Variants in TTBK2 observed in about 807,000 individuals in gnomAD.
TTBK2 encodes the protein tau tubulin kinase 2.
TTBK2 carries 28 observed loss-of-function variants against 110.8 expected under a neutral mutation model. That is an observed-to-expected ratio of 0.25 (90% confidence interval 0.19 to 0.35). TTBK2 has a LOEUF of 0.35. Ranked by LOEUF, TTBK2 falls within the 10% of genes least tolerant of loss-of-function variation. The probability of loss-of-function intolerance (pLI) is 1.00; values close to 1 mark genes in which losing one functional copy is unlikely to be tolerated. For synonymous variants in TTBK2, 532 were observed against 527.3 expected (o/e 1.01, Z -0.12); for missense variants, 1,369 against 1,500.3 (o/e 0.91, Z 1.45).
In TTBK2 at chr15:42,861,435, C is replaced by A. The variant is rs77526534; in HGVS notation, c.217+11176G>T. Among the ~76,000 whole-genome samples the A allele has an allele frequency of 3.2e-3, 490 of 152,114 alleles. 1 individual carries two copies. The highest frequency in any genetic ancestry group is 0.02 in the Middle Eastern group (6 of 294). On this transcript the variant is annotated intron_variant, in intron 3 of 14. Coordinates refer to ENST00000267890, the MANE Select transcript of TTBK2 (RefSeq NM_173500.4). The stretch of plus-strand genomic sequence containing the variant: ...AGTGCAATAAAAATAGAAATCAATA[C>A]CAAAAAGATCTATCAAAACTACAAA...
At chr15:42,860,666 TG>T (rs1007394461) in intron 3 of TTBK2, among the ~76,000 whole-genome samples, 1 of 133,886 alleles carries the variant, frequency 7.5e-6, no homozygotes, top group Non-Finnish European at 1.5e-5. Context: ...TTTTTTGAGA[TG>T]GCATTTAGTG....
intron 1 of TTBK2, among the ~76,000 whole-genome samples, chr15:42,909,501 C>T (rs763235270): frequency 1.3e-5 from 2 of 152,186 alleles, no homozygotes; most frequent in African/African-American, 4.8e-5. Flanking sequence ...ATCCTCCTCT[C>T]GCAAGAGCCT....
chr15:42,797,404 A>AC (rs1449018212), intron 9 of TTBK2, among the ~76,000 whole-genome samples: 1 of 152,238 alleles, frequency 6.6e-6, no homozygotes, highest in African/African-American at 2.4e-5. Flanking sequence ...GATATTAGAC[A>AC]CCAGCAGCAG....
At chr15:42,802,160 G>A (rs1425279316) in intron 9 of TTBK2, 2 of 1,390,602 alleles carry the variant, frequency 1.4e-6, no homozygotes, top group Non-Finnish European at 2.0e-6. Flanking sequence ...CGCACGGCCT[G>A]GATGTTGGGG....
At chr15:42,794,367 C>T (rs1157200521) in intron 10 of TTBK2, among the ~76,000 whole-genome samples, 1 of 152,148 alleles carries the variant, frequency 6.6e-6, no homozygotes, top group Non-Finnish European at 1.5e-5. Context: ...ACAACTAATG[C>T]TGGTCCTCAT....
intron 13 of TTBK2, among the ~76,000 whole-genome samples, chr15:42,771,718 G>T (rs2140734995): frequency 6.6e-6 from 1 of 152,204 alleles, no homozygotes; most frequent in South Asian, 2.1e-4. Flanking sequence ...TTCCTTCTTT[G>T]TGCATTATTT....
chr15:42,804,221 G>A (rs1891354549), intron 9 of TTBK2, among the ~76,000 whole-genome samples: 1 of 151,852 alleles, frequency 6.6e-6, no homozygotes, highest in Non-Finnish European at 1.5e-5. Context: ...GAGGTGGGCG[G>A]ATCACCTGAG....
At chr15:42,869,381 G>T (rs1385935706) in intron 3 of TTBK2, among the ~76,000 whole-genome samples, 1 of 149,914 alleles carries the variant, frequency 6.7e-6, no homozygotes, top group African/African-American at 2.5e-5. Context: ...GAGCCACCAC[G>T]CCTGGCCTAA....
intron 14 of TTBK2, among the ~76,000 whole-genome samples, 186 bp from the exon 15 acceptor site, chr15:42,746,443 C>T (rs2061796239): frequency 6.6e-6 from 1 of 152,180 alleles, no homozygotes; most frequent in South Asian, 2.1e-4. Context: ...TCCCTGCTTT[C>T]AATGGGAATA....
At chr15:42,899,864 T>C (rs915543887) in intron 1 of TTBK2, among the ~76,000 whole-genome samples, 33 of 150,406 alleles carry the variant, frequency 2.2e-4, no homozygotes, top group African/African-American at 7.6e-4. Context: ...ATCACGCCAC[T>C]GCACTCCAGC....
At chr15:42,815,672 A>T (rs922828053) in intron 7 of TTBK2, among the ~76,000 whole-genome samples, 3 of 151,522 alleles carry the variant, frequency 2.0e-5, no homozygotes, top group Admixed American at 2.0e-4. Context: ...CAAACATTTT[A>T]AAATTGTCTG....
chr15:42,910,261 T>C (rs1438974296), intron 1 of TTBK2, among the ~76,000 whole-genome samples: 2 of 151,568 alleles, frequency 1.3e-5, no homozygotes, highest in African/African-American at 4.9e-5. Flanking sequence ...GTGCCCCATC[T>C]ACACAATAAA....
chr15:42,801,488 T>C (rs549356016), intron 9 of TTBK2: 1 of 780,822 alleles, frequency 1.3e-6, no homozygotes, highest in South Asian at 1.3e-5. Flanking sequence ...CCGGTTCATC[T>C]AGGAGATCTC....
intron 4 of TTBK2, among the ~76,000 whole-genome samples, chr15:42,835,027 A>C (rs1223649555): frequency 6.6e-6 from 1 of 152,252 alleles, no homozygotes; most frequent in Non-Finnish European, 1.5e-5. Flanking sequence ...ATCAAGTAGT[A>C]GTCCTGCCTT....
Position 42,752,734 on chromosome 15 carries a change from C to T in TTBK2, c.2512G>A (p.Asp838Asn), listed in dbSNP as rs771401532. The T allele has an allele frequency of 2.5e-6, 4 of 1,614,014 alleles. No individual in the cohort carries two copies. The Admixed American group carries it at 5.0e-5, about 20-fold the overall frequency. Residue 838 changes from aspartate to asparagine, a missense_variant, in exon 14 of 15, where the codon GAC becomes AAC. By Grantham distance (23) the Asp-to-Asn change is conservative. Transcript: ENST00000267890. ...AGCTTCATTATCTCATTATTTTTGT[C>T]TTGATTTGGCACCACACTAAAAGTC... Reference protein sequence around the residue: ...TQTFSVVPNQDKNNEIMKLLT... With the variant: ...TQTFSVVPNQNKNNEIMKLLT...
chr15:42,898,688 T>C (rs1895766626), intron 1 of TTBK2, among the ~76,000 whole-genome samples: 1 of 152,208 alleles, frequency 6.6e-6, no homozygotes, highest in South Asian at 2.1e-4. Context: ...TAACTGTGCA[T>C]GTGTAGTAGG....
chr15:42,828,724 A>C (rs570794336), intron 5 of TTBK2, among the ~76,000 whole-genome samples: 6 of 148,170 alleles, frequency 4.0e-5, no homozygotes, highest in Admixed American at 1.3e-4. Flanking sequence ...CTCTGTCACA[A>C]AAAAAAAAAA....
chr15:42,748,398 A>C (rs2061823631), intron 14 of TTBK2, among the ~76,000 whole-genome samples: 3 of 152,056 alleles, frequency 2.0e-5, no homozygotes, highest in Admixed American at 2.0e-4. Flanking sequence ...CAGAGGTTGC[A>C]GTGAGCCGGG....
intron 1 of TTBK2, among the ~76,000 whole-genome samples, chr15:42,908,792 C>T (rs1241514133): frequency 6.6e-6 from 1 of 152,082 alleles, no homozygotes; most frequent in Non-Finnish European, 1.5e-5. Context: ...ATACTTTTTC[C>T]CCATGTACAC....
Sources: gnomAD v4.1 joint callset for allele counts (sites outside exome capture counted in the v4.1 genomes callset) on GRCh38, gnomAD v4.1.1 for gene constraint, MANE v1.5 for transcripts, NCBI Gene and HGNC (gene_info 2026-07-23, HGNC 2026-07-21) for gene names.